The following MEIS1 variants were observed in gnomAD, a reference collection of about 807,000 sequenced individuals.
MEIS1 encodes the protein homeobox protein Meis1.
In MEIS1, 5 loss-of-function variants were observed where a neutral mutation model predicts 50.8. The ratio of observed to expected loss-of-function variants is 0.10; its 90% CI spans 0.05 to 0.21. The LOEUF (loss-of-function observed/expected upper bound fraction) is 0.21. Among genes scored for constraint, MEIS1 ranks in the 10% least tolerant of loss-of-function variants. MEIS1 has a pLI of 1.00. For missense variants in MEIS1, 318 were observed against 517.3 expected, an observed-to-expected ratio of 0.61 and a Z score of 3.74; for synonymous variants, 176 against 179.3, an observed-to-expected ratio of 0.98 and a Z score of 0.15.
chr2:66,560,967 G>A (rs1675199186), intron 9 of MEIS1, among the ~76,000 whole-genome samples: 1 of 152,180 alleles, frequency 6.6e-6, no homozygotes. Context: ...ACTTGAGAAT[G>A]AATCAACTTT....
At chr2:66,476,730 GGAGTGCA>G (rs1672902537) in intron 7 of MEIS1, among the ~76,000 whole-genome samples, 1 of 152,152 alleles carries the variant, frequency 6.6e-6, no homozygotes, top group Non-Finnish European at 1.5e-5. Flanking sequence ...GGGCCTGAAA[GGAGTGCA>G]GATGCAGGTC....
At chr2:66,480,999 TA>T (rs957444246) in intron 7 of MEIS1, among the ~76,000 whole-genome samples, 41 of 144,514 alleles carry the variant, frequency 2.8e-4, no homozygotes, top group East Asian at 6.0e-4. Flanking sequence ...GAATCTCTGT[TA>T]AAAAAAAAAA....
intron 7 of MEIS1, among the ~76,000 whole-genome samples, chr2:66,498,799 T>C (rs1331874898): frequency 1.3e-5 from 2 of 152,166 alleles, no homozygotes; most frequent in Non-Finnish European, 2.9e-5. Flanking sequence ...AGATGCACAG[T>C]GTGGTCCTTG....
intron 10 of MEIS1, 47 bp from the exon 11 acceptor site, chr2:66,568,620 T>A (rs1328904454): frequency 7.1e-7 from 1 of 1,408,840 alleles, no homozygotes; most frequent in Admixed American, 1.7e-5. Flanking sequence ...CTATTTCTTT[T>A]GCTCTCAGAG....
intron 7 of MEIS1, chr2:66,509,161 A>T (rs1673763092): frequency 2.5e-6 from 1 of 392,836 alleles, no homozygotes; most frequent in Non-Finnish European, 5.3e-6. Flanking sequence ...TGAGGTTGAG[A>T]CATTTCCAGA....
At chr2:66,536,759 A>G (rs1014315257) in intron 8 of MEIS1, among the ~76,000 whole-genome samples, 1 of 152,246 alleles carries the variant, frequency 6.6e-6, no homozygotes, top group Non-Finnish European at 1.5e-5. Context: ...ACGACTATAC[A>G]TACCAGTTCT....
chr2:66,474,569 C>G (rs1199593679), intron 7 of MEIS1, among the ~76,000 whole-genome samples: 1 of 151,366 alleles, frequency 6.6e-6, no homozygotes. Context: ...GCATTTTCCT[C>G]AGGAAAAAAA....
Position 66,437,864 on chromosome 2 carries a change from C to T in MEIS1, c.140C>T (p.Ser47Leu), listed in dbSNP as rs1243110681. ...CTGAACCACGGGCCTCCTCTGCACT[C>T]GCATCAGTACCCGCACACAGCTCAT... Reference protein sequence around the residue: ...HHLNHGPPLHSHQYPHTAHTN... With the variant: ...HHLNHGPPLHLHQYPHTAHTN... The change falls in exon 2 of 13, where the codon TCG (serine) becomes TTG (leucine). Residue 47 changes from serine to leucine, a missense_variant. Transcript: ENST00000272369. 1 of 1,613,188 alleles carries T rather than the reference C, an allele frequency of 6.2e-7. No homozygotes were observed. Among genetic ancestry groups the T allele is most frequent in the Non-Finnish European group, 8.5e-7 (1 of 1,179,520 alleles).
At chr2:66,440,893 C>A (rs1404419397) in intron 4 of MEIS1, 2 of 494,940 alleles carry the variant, frequency 4.0e-6, no homozygotes, top group Admixed American at 3.7e-5. Context: ...GGGGATTTAT[C>A]TCCCGGCCTG....
rs1029446271 is a variant in MEIS1, at chr2:66,435,220, A to G, written c.-637A>G. 6.6e-6 allele frequency: 1 copy of G among 152,484 alleles called. No individual in the cohort carries two copies. The highest frequency in any genetic ancestry group is 1.5e-5 in the Non-Finnish European group (1 of 68,306). The allele number at this position is 152,484 out of a possible 1,614,324, so 9.4% of individuals were successfully genotyped here. ...CAGCATCGATCGTGGCTCCTTTAAG[A>G]CAAACTCAGACAGACATTTTTTTTA... On this transcript the variant is annotated 5_prime_UTR_variant, in exon 1 of 13. Coordinates refer to ENST00000272369, the MANE Select transcript of MEIS1 (RefSeq NM_002398.3).
intron 9 of MEIS1, chr2:66,562,074 T>C (rs1026958948): frequency 1.6e-4 from 21 of 129,448 alleles, no homozygotes; most frequent in Non-Finnish European, 3.3e-4. Context: ...TTTTTTTACT[T>C]TTATCAGTAT....
At chr2:66,444,223 C>T (rs555516439) in intron 6 of MEIS1, among the ~76,000 whole-genome samples, 1 of 150,400 alleles carries the variant, frequency 6.6e-6, no homozygotes, top group African/African-American at 2.4e-5. Context: ...CTCTTTCTGA[C>T]TCGGCACGTG....
chr2:66,557,011 A>G (rs1318545841), intron 9 of MEIS1, among the ~76,000 whole-genome samples: 1 of 152,168 alleles, frequency 6.6e-6, no homozygotes. Flanking sequence ...CATATCGAGA[A>G]TTAAATTTTG....
intron 8 of MEIS1, among the ~76,000 whole-genome samples, chr2:66,516,805 A>T (rs1169283691): frequency 6.6e-6 from 1 of 152,216 alleles, no homozygotes; most frequent in Admixed American, 6.5e-5. Flanking sequence ...GCTCTAGAAG[A>T]GACAGATGTT....
chr2:66,557,901 C>T (rs913810587), intron 9 of MEIS1, among the ~76,000 whole-genome samples: 1 of 152,162 alleles, frequency 6.6e-6, no homozygotes, highest in East Asian at 1.9e-4. Flanking sequence ...ACTCAGTTCT[C>T]ATATTCTTCT....
At chr2:66,557,828 G>C (rs1411390944) in intron 9 of MEIS1, among the ~76,000 whole-genome samples, 1 of 152,064 alleles carries the variant, frequency 6.6e-6, no homozygotes, top group African/African-American at 2.4e-5. Flanking sequence ...CTTTTCATTC[G>C]ATCATCCCAA....
intron 8 of MEIS1, among the ~76,000 whole-genome samples, chr2:66,526,004 T>C (rs1453125930): frequency 6.6e-6 from 1 of 152,242 alleles, no homozygotes; most frequent in Non-Finnish European, 1.5e-5. Flanking sequence ...CTCACACTTC[T>C]TGCCTACTTT....
chr2:66,489,634 T>C (rs1673227158), intron 7 of MEIS1, among the ~76,000 whole-genome samples: 3 of 152,194 alleles, frequency 2.0e-5, no homozygotes. Context: ...GTGCTAATTT[T>C]AGCTTACAAA....
At position 66,571,239 on chromosome 2, in the gene MEIS1, C is replaced by T; in HGVS notation, c.*38-7C>T. On this transcript the variant is annotated splice_region_variant and splice_polypyrimidine_tract_variant and intron_variant, in intron 12 of 12. Transcript: ENST00000272369. ...CTTTTTGTTTCTTTCTTTTGAATTTCTTACAGGGCTGCAAAGTATGCCAGG... is the reference window on the plus strand; with the variant it reads ...CTTTTTGTTTCTTTCTTTTGAATTTTTTACAGGGCTGCAAAGTATGCCAGG... 6.4e-7 allele frequency: 1 copy of T among 1,566,924 alleles called. No homozygotes were observed. The highest frequency in any genetic ancestry group is 8.6e-7 in the Non-Finnish European group (1 of 1,158,568).
Sources: allele counts gnomAD v4.1 joint callset (sites outside exome capture counted in the v4.1 genomes callset), GRCh38; gene constraint gnomAD v4.1.1; transcripts MANE v1.5; gene names NCBI Gene and HGNC (gene_info 2026-07-23, HGNC 2026-07-21).